KIAA1217: variants seen among roughly 807,000 people sequenced by gnomAD.
KIAA1217 encodes KIAA1217.
In KIAA1217, 88 loss-of-function variants were observed where a neutral mutation model predicts 163.9. That is an observed-to-expected ratio of 0.54 (90% CI 0.45 to 0.64). KIAA1217 has a LOEUF of 0.64. KIAA1217 is among the 30% of genes least tolerant of loss of function. KIAA1217 has a pLI of 0.00. For missense variants in KIAA1217, 2,372 were observed against 2,475.0 expected, an observed-to-expected ratio of 0.96 and a Z score of 0.88; for synonymous variants, 903 against 923.1, an observed-to-expected ratio of 0.98 and a Z score of 0.39.
At chr10:24,157,992 G>C in intron 2 of KIAA1217, 1 of 766,516 alleles carries the variant, frequency 1.3e-6, no homozygotes, top group Non-Finnish European at 2.3e-6. Flanking sequence ...CGATCAATTA[G>C]TGGCCCTTCA....
chr10:24,471,593 A>C lies in KIAA1217; in HGVS notation c.847-1635A>C, dbSNP rs181417629. Among the ~76,000 whole-genome samples, 3 of 152,116 alleles carry C rather than the reference A, an allele frequency of 2.0e-5. No individual in the cohort carries two copies. The East Asian group carries it at 5.8e-4, about 29-fold the overall frequency. On this transcript the variant is annotated intron_variant, in intron 5 of 20. Transcript: ENST00000376454. ...CCCACACACAGTAAAAAAAAAAATC[A>C]GTGTAGAGGCCAGGTGCAGTGGCTC...
intron 1 of KIAA1217, among the ~76,000 whole-genome samples, chr10:23,925,015 T>C (rs891388994): frequency 9.2e-5 from 14 of 152,124 alleles, no homozygotes; most frequent in Non-Finnish European, 2.1e-4. Context: ...CTTGGCCTGT[T>C]TTTCCCATTG....
intron 2 of KIAA1217, among the ~76,000 whole-genome samples, chr10:24,237,542 G>T (rs1373745223): frequency 6.6e-6 from 1 of 152,198 alleles, no homozygotes; most frequent in African/African-American, 2.4e-5. Context: ...CCAAAGGGAA[G>T]ATCTGGCATA....
At chr10:24,141,042 T>A (rs1039170125) in intron 2 of KIAA1217, among the ~76,000 whole-genome samples, 8 of 152,168 alleles carry the variant, frequency 5.3e-5, no homozygotes, top group Non-Finnish European at 2.9e-5. Flanking sequence ...AAAAGTCTTC[T>A]GGGGTAGAAG....
intron 1 of KIAA1217, among the ~76,000 whole-genome samples, chr10:23,841,670 CA>C (rs1231903954): frequency 2.0e-5 from 3 of 151,556 alleles, no homozygotes; most frequent in Non-Finnish European, 4.4e-5. Flanking sequence ...TCCCAATAAG[CA>C]GTATAATTCT....
intron 3 of KIAA1217, among the ~76,000 whole-genome samples, chr10:24,406,850 T>C (rs757963927): frequency 6.6e-6 from 1 of 152,150 alleles, no homozygotes; most frequent in Non-Finnish European, 1.5e-5. Context: ...TTAAGCAAAA[T>C]GTAGCCTCAA....
chr10:24,309,546 A>G lies in KIAA1217; in HGVS notation c.355-71323A>G, dbSNP rs181394117. 1.5e-3 allele frequency among the ~76,000 whole-genome samples: 223 copies of G among 152,286 alleles called. 1 individual carries two copies. The highest frequency in any genetic ancestry group is 2.6e-3 in the Non-Finnish European group (175 of 68,018). On this transcript the variant is annotated intron_variant, in intron 2 of 20. Transcript: ENST00000376454. ...ATTTGACTGTGGAACCCTCTGCGTC[A>G]TACCCTTTTACATCCCAGAACCCAC...
In KIAA1217 at chr10:24,545,277, G is replaced by A. The variant is rs76798881; in HGVS notation, c.5334+174G>A. The A allele has an allele frequency of 3.4e-4, 478 of 1,409,926 alleles. 2 individuals carry two copies. The East Asian group carries it at 0.01, about 31-fold the overall frequency. 87.3% of individuals were successfully genotyped at this position (1,409,926 alleles called of 1,614,324 possible). A position where few individuals can be genotyped will look rare whatever the true frequency, so the allele number is the denominator to read the frequency against. On this transcript the variant is annotated intron_variant, in intron 20 of 20. Transcript: ENST00000376454. ...AACCTTTGTTACACTTTTTTACCACGCTTTTGCATGCTTGCAATAAAACAT... is the reference window on the plus strand; with the variant it reads ...AACCTTTGTTACACTTTTTTACCACACTTTTGCATGCTTGCAATAAAACAT...
chr10:24,301,819 C>T (rs1041460325), intron 2 of KIAA1217, among the ~76,000 whole-genome samples: 3 of 151,948 alleles, frequency 2.0e-5, no homozygotes, highest in Non-Finnish European at 4.4e-5. Flanking sequence ...CTGAGGCAGG[C>T]AGATCACCTG....
intron 2 of KIAA1217, among the ~76,000 whole-genome samples, chr10:24,289,114 A>G (rs146730904): frequency 2.2e-4 from 33 of 152,186 alleles, no homozygotes; most frequent in Non-Finnish European, 4.3e-4. Flanking sequence ...ACATATTTCA[A>G]TTTAATATTA....
chr10:24,299,571 T>C (rs549276934), intron 2 of KIAA1217, among the ~76,000 whole-genome samples: 1 of 152,100 alleles, frequency 6.6e-6, no homozygotes, highest in East Asian at 1.9e-4. Flanking sequence ...GCTAATTTTT[T>C]AATTTTTTTG....
At chr10:24,149,346 A>G (rs1227822517) in intron 2 of KIAA1217, among the ~76,000 whole-genome samples, 2 of 151,054 alleles carry the variant, frequency 1.3e-5, no homozygotes, top group Non-Finnish European at 3.0e-5. Flanking sequence ...TGCCCGACTA[A>G]TTTTTTTTTG....
intron 1 of KIAA1217, among the ~76,000 whole-genome samples, chr10:24,210,139 G>A (rs2067884768): frequency 6.6e-6 from 1 of 151,990 alleles, no homozygotes; most frequent in Non-Finnish European, 1.5e-5. Flanking sequence ...ACGTGCGGGA[G>A]TGCAGTGCTG....
chr10:24,457,790 T>C (rs2061960177), intron 5 of KIAA1217, among the ~76,000 whole-genome samples: 1 of 152,146 alleles, frequency 6.6e-6, no homozygotes, highest in South Asian at 2.1e-4. Flanking sequence ...AAGTCTTTCC[T>C]TCCTGGAGGC....
At chr10:24,148,152 T>C (rs1220559064) in intron 2 of KIAA1217, among the ~76,000 whole-genome samples, 2 of 152,134 alleles carry the variant, frequency 1.3e-5, no homozygotes, top group African/African-American at 4.8e-5. Flanking sequence ...CTTTTTTTTC[T>C]TGGTTTTAAA....
chr10:24,348,572 CT>C (rs1393560712), intron 2 of KIAA1217, among the ~76,000 whole-genome samples: 1 of 151,826 alleles, frequency 6.6e-6, no homozygotes, highest in Non-Finnish European at 1.5e-5. Context: ...TAAAATTTAC[CT>C]AAAGATACAG....
chr10:24,187,256 T>A (rs533213287), intron 2 of KIAA1217, among the ~76,000 whole-genome samples: 2 of 152,290 alleles, frequency 1.3e-5, no homozygotes, highest in Non-Finnish European at 2.9e-5. Flanking sequence ...CTTTCTCTCA[T>A]TCTTTTCTCT....
intron 2 of KIAA1217, among the ~76,000 whole-genome samples, chr10:24,139,586 A>G (rs1171685405): frequency 2.0e-5 from 3 of 152,202 alleles, no homozygotes; most frequent in Admixed American, 2.0e-4. Flanking sequence ...TGGTCTACCC[A>G]GTCTAATATA....
intron 2 of KIAA1217, among the ~76,000 whole-genome samples, chr10:24,151,427 T>A (rs757641664): frequency 2.7e-5 from 4 of 146,958 alleles, no homozygotes; most frequent in Non-Finnish European, 4.5e-5. Context: ...AGAGGAGAGA[T>A]TTTCCTGGAG....
Sources: allele counts gnomAD v4.1 joint callset (sites outside exome capture counted in the v4.1 genomes callset), GRCh38; gene constraint gnomAD v4.1.1; transcripts MANE v1.5; gene names NCBI Gene and HGNC (gene_info 2026-07-23, HGNC 2026-07-21).